The following NLRP14 variants were observed in gnomAD, a reference collection of about 807,000 sequenced individuals.
NLRP14 encodes the protein NLR family pyrin domain containing 14.
In NLRP14, 105 loss-of-function variants were observed where a neutral mutation model predicts 94.7. The observed-to-expected ratio is 1.11, with a 90% CI of 0.95 to 1.30. The LOEUF (loss-of-function observed/expected upper bound fraction) is 1.30. Among genes scored for constraint, NLRP14 ranks in the 50% most tolerant of loss-of-function variants. The pLI, the probability that NLRP14 is intolerant of heterozygous loss-of-function variation, is 0.00. For synonymous variants in NLRP14, 508 were observed against 459.9 expected (o/e 1.10, Z -1.34); for missense variants, 1,362 against 1,254.1 (o/e 1.09, Z -1.30).
At chr11:7,045,367 C>T (rs1225493288) in intron 4 of NLRP14, among the ~76,000 whole-genome samples, 1 of 152,128 alleles carries the variant, frequency 6.6e-6, no homozygotes, top group Non-Finnish European at 1.5e-5. Flanking sequence ...CTCCTGCTAG[C>T]TTTCCTTACC....
At position 7,057,670 on chromosome 11, in the gene NLRP14, T is replaced by C; in HGVS notation, c.2292-7T>C. The C allele has an allele frequency of 6.2e-7, 1 of 1,611,800 alleles. No homozygotes were observed. The highest frequency in any genetic ancestry group is 8.5e-7 in the Non-Finnish European group (1 of 1,178,324). ...GGTCATTCCTGCTTTTCTGTGTTGTTTTCCAGGCTGGAATCTTGCAACCTA... is the reference window on the plus strand; with the variant it reads ...GGTCATTCCTGCTTTTCTGTGTTGTCTTCCAGGCTGGAATCTTGCAACCTA... On this transcript the variant is annotated splice_region_variant and splice_polypyrimidine_tract_variant and intron_variant, in intron 6 of 11. Coordinates refer to ENST00000299481, the MANE Select transcript of NLRP14 (RefSeq NM_176822.4).
intron 1 of NLRP14, among the ~76,000 whole-genome samples, chr11:7,021,113 A>G (rs1223016265): frequency 6.6e-6 from 1 of 152,242 alleles, no homozygotes; most frequent in Non-Finnish European, 1.5e-5. Context: ...TAGGATAGTC[A>G]TTACAAGCAA....
At chr11:7,078,662 C>T in the NLRP14 span, among the ~76,000 whole-genome samples, 3 of 151,848 alleles carry the variant, frequency 2.0e-5, no homozygotes, top group Non-Finnish European at 2.9e-5. Context: ...GTGGTGGGTG[C>T]TTGCAATCCC....
At chr11:7,067,224 T>A (rs1249809182) in intron 10 of NLRP14, among the ~76,000 whole-genome samples, 2 of 152,168 alleles carry the variant, frequency 1.3e-5, no homozygotes, top group African/African-American at 4.8e-5. Context: ...AGTAGTTTTT[T>A]CTAATTCTGT....
At chr11:7,072,407 A>C (rs763353555), downstream of NLRP14, among the ~76,000 whole-genome samples, 9 of 152,252 alleles carry the variant, frequency 5.9e-5, no homozygotes, top group Non-Finnish European at 1.2e-4. Context: ...ACTGAGAGGC[A>C]GAAGTAGGTT....
chr11:7,022,677 A>T (rs979766188), intron 1 of NLRP14, among the ~76,000 whole-genome samples: 3 of 152,250 alleles, frequency 2.0e-5, no homozygotes. Context: ...CAGAAGTCTC[A>T]TCACAGATCG....
At chr11:7,081,897 G>A in the NLRP14 span, among the ~76,000 whole-genome samples, 2 of 152,130 alleles carry the variant, frequency 1.3e-5, no homozygotes, top group Non-Finnish European at 2.9e-5. Context: ...TGGAAGTCAG[G>A]GTGGGAGGTA....
intron 1 of NLRP14, among the ~76,000 whole-genome samples, chr11:7,028,966 A>C (rs1479584396): frequency 6.6e-6 from 1 of 152,226 alleles, no homozygotes; most frequent in African/African-American, 2.4e-5. Flanking sequence ...GTAAAAATAC[A>C]AACAAAAGAG....
chr11:7,057,876 A>T, intron 7 of NLRP14, 29 bp downstream of exon 7: 1 of 1,594,770 alleles, frequency 6.3e-7, no homozygotes, highest in Non-Finnish European at 8.6e-7. Flanking sequence ...TTTTCTGTAG[A>T]GTCATTTTGC....
chr11:7,021,650 A>G (rs1344737003), intron 1 of NLRP14, among the ~76,000 whole-genome samples: 1 of 151,816 alleles, frequency 6.6e-6, no homozygotes, highest in Non-Finnish European at 1.5e-5. Context: ...ATTTTTTATT[A>G]TACTGTAAGT....
chr11:7,078,673 A>G, the NLRP14 span, among the ~76,000 whole-genome samples: 1 of 151,860 alleles, frequency 6.6e-6, no homozygotes, highest in Non-Finnish European at 1.5e-5. Flanking sequence ...TTGCAATCCC[A>G]GCTACTTGGG....
intron 7 of NLRP14, 127 bp from the exon 8 acceptor site, chr11:7,058,153 G>C: frequency 6.4e-6 from 5 of 784,544 alleles, no homozygotes; most frequent in Non-Finnish European, 1.1e-5. Flanking sequence ...AATTTAAATA[G>C]GTTTGTTGAG....
At chr11:7,072,310 T>A (rs1852812735), downstream of NLRP14, among the ~76,000 whole-genome samples, 1 of 152,236 alleles carries the variant, frequency 6.6e-6, no homozygotes, top group Non-Finnish European at 1.5e-5. Context: ...AAGGCTGGGA[T>A]GAGCCAGACC....
At chr11:7,089,375 C>T in the NLRP14 span, 1 of 1,604,334 alleles carries the variant, frequency 6.2e-7, no homozygotes, top group Non-Finnish European at 8.5e-7. Flanking sequence ...CCCAGGCCAC[C>T]AAACCGGCGT....
intron 3 of NLRP14, among the ~76,000 whole-genome samples, chr11:7,040,523 C>T (rs1228415651): frequency 6.6e-6 from 1 of 152,184 alleles, no homozygotes; most frequent in Non-Finnish European, 1.5e-5. Context: ...AATTGTCTTC[C>T]ATGAAACTGG....
rs749633780 is a variant in NLRP14, at chr11:7,057,750, A to C, written c.2365A>C (p.Ile789Leu). The change falls in exon 7 of 12, where the codon ATA (isoleucine) becomes CTA (leucine). Residue 789 changes from isoleucine to leucine, a missense_variant. Ile to Leu is a conservative substitution (Grantham distance 5). Transcript: ENST00000299481. The stretch of plus-strand genomic sequence containing the variant: ...TGCTCTCATCAGAAGCCAGAGCCTG[A>C]TATTTCTGAATCTGTCAACCAATAA... ...SNALIRSQSL[I>L]FLNLSTNNLL... 1 of 1,612,156 alleles carries C rather than the reference A, an allele frequency of 6.2e-7. No homozygotes were observed. The highest frequency in any genetic ancestry group is 8.5e-7 in the Non-Finnish European group (1 of 1,178,386).
the NLRP14 span, among the ~76,000 whole-genome samples, chr11:7,086,907 C>T: frequency 6.6e-6 from 1 of 152,062 alleles, no homozygotes; most frequent in Admixed American, 6.5e-5. Flanking sequence ...AAACAATAAC[C>T]ATGGAAGTTA....
intron 5 of NLRP14, 137 bp downstream of exon 5, chr11:7,046,969 G>T: frequency 1.4e-6 from 1 of 733,850 alleles, no homozygotes; most frequent in Non-Finnish European, 2.4e-6. Context: ...AGGAACAATG[G>T]AATCCTCTGG....
At chr11:7,065,551 C>A (rs1227369427) in intron 10 of NLRP14, among the ~76,000 whole-genome samples, 1 of 151,588 alleles carries the variant, frequency 6.6e-6, no homozygotes, top group African/African-American at 2.4e-5. Flanking sequence ...TTTTTATATG[C>A]CTTAGTAACT....
Sources: allele counts gnomAD v4.1 joint callset (sites outside exome capture counted in the v4.1 genomes callset), GRCh38; gene constraint gnomAD v4.1.1; transcripts MANE v1.5; gene names NCBI Gene and HGNC (gene_info 2026-07-23, HGNC 2026-07-21).